STXBP5: variants seen among roughly 807,000 people sequenced by gnomAD.
STXBP5 encodes syntaxin-binding protein 5.
A neutral mutation model predicts 152.4 loss-of-function variants in STXBP5; 50 were observed. That is an observed-to-expected ratio of 0.33 (90% CI 0.26 to 0.42). STXBP5 has a LOEUF of 0.42. Among genes scored for constraint, STXBP5 ranks in the 10% least tolerant of loss-of-function variants. STXBP5 has a pLI of 1.00. For missense variants in STXBP5, 1,167 were observed against 1,388.6 expected (o/e 0.84, Z 2.54); for synonymous variants, 492 against 494.7 (o/e 0.99, Z 0.07).
intron 8 of STXBP5, among the ~76,000 whole-genome samples, chr6:147,283,141 A>T (rs943430630): frequency 6.6e-6 from 1 of 152,204 alleles, no homozygotes; most frequent in Non-Finnish European, 1.5e-5. Flanking sequence ...GATATTTTAA[A>T]TTTAGTTTCT....
intron 19 of STXBP5, among the ~76,000 whole-genome samples, chr6:147,335,153 C>A (rs191060885): frequency 6.6e-6 from 1 of 152,166 alleles, no homozygotes; most frequent in East Asian, 1.9e-4. Flanking sequence ...CTTTAAACTT[C>A]ATATTTAAAT....
At chr6:147,359,643 A>T (rs1784975784) in intron 23 of STXBP5, among the ~76,000 whole-genome samples, 1 of 117,334 alleles carries the variant, frequency 8.5e-6, no homozygotes, top group South Asian at 3.0e-4. Flanking sequence ...CTAGAGTGTG[A>T]TGTTCCCCTT....
intron 16 of STXBP5, among the ~76,000 whole-genome samples, chr6:147,324,464 A>C (rs1783120827): frequency 6.6e-6 from 1 of 151,150 alleles, no homozygotes; most frequent in Admixed American, 6.6e-5. Flanking sequence ...GTAGAGACAG[A>C]GTTTCACCAT....
chr6:147,241,777 T>C (rs982165720), intron 4 of STXBP5, among the ~76,000 whole-genome samples: 4 of 152,332 alleles, frequency 2.6e-5, no homozygotes, highest in Admixed American at 6.5e-5. Flanking sequence ...TCATAGCATC[T>C]TAGTGCAATA....
At chr6:147,348,251 G>C (rs1261191641) in intron 21 of STXBP5, among the ~76,000 whole-genome samples, 1 of 152,082 alleles carries the variant, frequency 6.6e-6, no homozygotes, top group South Asian at 2.1e-4. Flanking sequence ...TCTTCTGCCT[G>C]CCACTTACAA....
chr6:147,380,997 A>G lies in STXBP5; in HGVS notation c.3194-1781A>G, dbSNP rs185355161. Among the ~76,000 whole-genome samples the G allele has an allele frequency of 3.3e-5, 5 of 152,270 alleles. No individual in the cohort carries two copies. The East Asian group carries it at 9.7e-4, about 29-fold the overall frequency. On this transcript the variant is annotated intron_variant, in intron 26 of 27. Coordinates refer to ENST00000321680, the MANE Select transcript of STXBP5 (RefSeq NM_001127715.4). The stretch of plus-strand genomic sequence containing the variant: ...CATGGCGGAAGACCAAGGAGGAGCA[A>G]AAGCACATCTTACATGGCAGCAGGC...
Position 147,363,370 on chromosome 6 carries a change from A to G in STXBP5, c.2581A>G (p.Met861Val), listed in dbSNP as rs748589128. 3.1e-6 allele frequency: 5 copies of G among 1,608,058 alleles called. No individual in the cohort carries two copies. The highest frequency in any genetic ancestry group is 1.3e-5 in the African/African-American group (1 of 74,510). ...GAGGTTAAAAGGTGCAATCTTGAGA[A>G]TGGCATTTCTGGATACCACAGGCTG... ...ILRLKGAILR[M>V]AFLDTTGCLI... Residue 861 changes from methionine to valine, a missense_variant, in exon 24 of 28, where the codon ATG (methionine) becomes GTG (valine). Physicochemically the swap from Met to Val is conservative, Grantham distance 21. Coordinates refer to ENST00000321680, the MANE Select transcript of STXBP5 (RefSeq NM_001127715.4).
Position 147,353,312 on chromosome 6 carries a change from T to A in STXBP5, c.2255-11T>A. 2.5e-6 allele frequency: 4 copies of A among 1,569,432 alleles called. No homozygotes were observed. The highest frequency in any genetic ancestry group is 3.5e-6 in the Non-Finnish European group (4 of 1,154,346). ...TTCTTCAGAATTTTAAAAATGTCTT[T>A]TATTTTTCAGCAAAGATGTCAAGGA... On this transcript the variant is annotated splice_polypyrimidine_tract_variant and intron_variant, in intron 21 of 27. Coordinates refer to ENST00000321680, the MANE Select transcript of STXBP5 (RefSeq NM_001127715.4).
At chr6:147,327,027 A>AGACCCACCAT in intron 17 of STXBP5, 98 bp from the exon 18 acceptor site, 1 of 1,119,290 alleles carries the variant, frequency 8.9e-7, no homozygotes, top group Non-Finnish European at 1.3e-6. Flanking sequence ...ATTTTCTGAA[A>AGACCCACCAT]GACCCACCAT....
intron 17 of STXBP5, among the ~76,000 whole-genome samples, chr6:147,326,092 C>T (rs970824730): frequency 6.6e-6 from 1 of 152,092 alleles, no homozygotes; most frequent in Admixed American, 6.6e-5. Context: ...GGTCCTGGAA[C>T]CAAGCTTCTG....
chr6:147,382,722 A>G, intron 26 of STXBP5, 56 bp from the exon 27 acceptor site: 1 of 1,559,734 alleles, frequency 6.4e-7, no homozygotes, highest in Non-Finnish European at 8.8e-7. Context: ...GTAGGATTTT[A>G]TATTAGTAAA....
At chr6:147,213,777 A>G (rs1562412779) in intron 2 of STXBP5, among the ~76,000 whole-genome samples, 1 of 152,128 alleles carries the variant, frequency 6.6e-6, no homozygotes, top group Non-Finnish European at 1.5e-5. Context: ...GCAGATAAGG[A>G]AATAGTTTTT....
At chr6:147,330,837 A>C (rs370013327) in intron 18 of STXBP5, among the ~76,000 whole-genome samples, 9 of 152,212 alleles carry the variant, frequency 5.9e-5, no homozygotes, top group African/African-American at 2.2e-4. Flanking sequence ...AAGAGTCAGC[A>C]AACTATTGTC....
intron 25 of STXBP5, among the ~76,000 whole-genome samples, chr6:147,371,811 A>C (rs1785553229): frequency 6.6e-6 from 1 of 152,162 alleles, no homozygotes; most frequent in African/African-American, 2.4e-5. Flanking sequence ...TAAAAAGCAT[A>C]CCTTTAAACT....
At chr6:147,302,295 G>C (rs1781860846) in intron 9 of STXBP5, among the ~76,000 whole-genome samples, 2 of 152,026 alleles carry the variant, frequency 1.3e-5, no homozygotes, top group Non-Finnish European at 2.9e-5. Flanking sequence ...TAAACAAGTA[G>C]AAAAGAGGGC....
intron 4 of STXBP5, among the ~76,000 whole-genome samples, chr6:147,256,266 C>T (rs938207234): frequency 2.0e-5 from 3 of 152,200 alleles, no homozygotes; most frequent in African/African-American, 7.2e-5. Flanking sequence ...GCAGAGATAG[C>T]AACAGAAAGA....
intron 2 of STXBP5, among the ~76,000 whole-genome samples, chr6:147,223,212 G>T (rs1471791749): frequency 6.6e-6 from 1 of 152,198 alleles, no homozygotes; most frequent in Non-Finnish European, 1.5e-5. Context: ...TTTTAAAACT[G>T]ACGTTTATCA....
rs970816859 is a variant in STXBP5 at position 147,337,669 on chromosome 6, T to C, written c.2147-1510T>C. On this transcript the variant is annotated intron_variant, in intron 19 of 27. Coordinates refer to ENST00000321680, the MANE Select transcript of STXBP5 (RefSeq NM_001127715.4). ...TTTTTGTACATTCATGTGGCTATTTTGTAGAGATAGTGATATTTTAAAATA... is the reference window on the plus strand; with the variant it reads ...TTTTTGTACATTCATGTGGCTATTTCGTAGAGATAGTGATATTTTAAAATA... Among the ~76,000 whole-genome samples, 3 of 151,986 alleles carry C rather than the reference T, an allele frequency of 2.0e-5. No individual in the cohort carries two copies. In the East Asian group the frequency reaches 5.8e-4, roughly 29 times the overall value.
chr6:147,357,030 G>A (rs570028931), intron 22 of STXBP5, among the ~76,000 whole-genome samples: 13 of 152,194 alleles, frequency 8.5e-5, no homozygotes, highest in African/African-American at 2.6e-4. Flanking sequence ...GACAGTGTGC[G>A]AAATTCCAAA....
Sources: allele counts gnomAD v4.1 joint callset (sites outside exome capture counted in the v4.1 genomes callset), GRCh38; gene constraint gnomAD v4.1.1; transcripts MANE v1.5; gene names NCBI Gene and HGNC (gene_info 2026-07-23, HGNC 2026-07-21).